The following AKR1C3 variants were observed in gnomAD, a reference collection of about 807,000 sequenced individuals.
AKR1C3 encodes aldo-keto reductase family 1 member C3.
Under a neutral mutation model 43.6 loss-of-function variants are expected in AKR1C3, and 48 were observed. That is an observed-to-expected ratio of 1.10 (90% CI 0.87 to 1.40). The LOEUF (loss-of-function observed/expected upper bound fraction) is 1.40. AKR1C3 is among the 40% of genes most tolerant of loss of function. The probability of loss-of-function intolerance (pLI) is 0.00; values close to 1 mark genes in which losing one functional copy is unlikely to be tolerated. For missense variants in AKR1C3, 482 were observed against 391.2 expected, an observed-to-expected ratio of 1.23 and a Z score of -1.96; for synonymous variants, 162 against 139.6, an observed-to-expected ratio of 1.16 and a Z score of -1.13.
intron 1 of AKR1C3, among the ~76,000 whole-genome samples, chr10:5,076,643 A>G (rs1554781866): frequency 1.3e-5 from 2 of 152,120 alleles, no homozygotes; most frequent in Non-Finnish European, 2.9e-5. Flanking sequence ...ACACTATCAC[A>G]TGCTCTGTAC....
intron 1 of AKR1C3, among the ~76,000 whole-genome samples, chr10:5,071,694 T>G (rs1838614961): frequency 6.6e-6 from 1 of 152,202 alleles, no homozygotes; most frequent in Non-Finnish European, 1.5e-5. Context: ...TCCAAAAGAA[T>G]TCAGTATTTG....
intron 1 of AKR1C3, among the ~76,000 whole-genome samples, chr10:5,083,280 A>C (rs542667176): frequency 8.1e-4 from 122 of 150,736 alleles, no homozygotes; most frequent in Admixed American, 1.5e-3. Flanking sequence ...TCCTGTGTCC[A>C]TGTGTTCTCA....
intron 7 of AKR1C3, among the ~76,000 whole-genome samples, chr10:5,104,665 T>C (rs1469469431): frequency 6.6e-6 from 1 of 152,188 alleles, no homozygotes; most frequent in Non-Finnish European, 1.5e-5. Context: ...CAGTTCACTG[T>C]GAAGAGAACT....
At chr10:5,098,759 A>G in intron 3 of AKR1C3, 43 bp from the exon 4 acceptor site, 1 of 1,548,838 alleles carries the variant, frequency 6.5e-7, no homozygotes, top group Non-Finnish European at 8.9e-7. Context: ...ATGAGTGGAG[A>G]AATTAATTTG....
chr10:5,056,725 G>C (rs1483244353), intron 1 of AKR1C3, among the ~76,000 whole-genome samples: 3 of 152,166 alleles, frequency 2.0e-5, no homozygotes, highest in Admixed American at 2.0e-4. Flanking sequence ...TGGGTAACTT[G>C]TTTCCCATAT....
chr10:5,103,928 T>C (rs1167333354), intron 7 of AKR1C3, among the ~76,000 whole-genome samples: 1 of 152,048 alleles, frequency 6.6e-6, no homozygotes, highest in Non-Finnish European at 1.5e-5. Flanking sequence ...GGTTAATATA[T>C]ATGATAGATT....
chr10:5,099,211 G>C (rs1294162188), intron 4 of AKR1C3, 116 bp from the exon 5 acceptor site: 15 of 1,529,454 alleles, frequency 9.8e-6, no homozygotes, highest in Non-Finnish European at 1.2e-5. Flanking sequence ...GACAATCACT[G>C]CTAGCTATTT....
chr10:5,094,940 T>C (rs1839173587), intron 1 of AKR1C3, among the ~76,000 whole-genome samples: 1 of 152,024 alleles, frequency 6.6e-6, no homozygotes, highest in Admixed American at 6.6e-5. Context: ...AATTACTGGA[T>C]ATGGTGTGCA....
At chr10:5,078,182 G>T (rs942753723) in intron 1 of AKR1C3, among the ~76,000 whole-genome samples, 8 of 152,184 alleles carry the variant, frequency 5.3e-5, no homozygotes, top group Non-Finnish European at 8.8e-5. Flanking sequence ...CTAACATTTT[G>T]GGCGGCTGAT....
At position 5,098,787 on chromosome 10, in the gene AKR1C3, C is replaced by T. The variant is rs375554349; in HGVS notation, c.370-15C>T. 6.2e-7 allele frequency: 1 copy of T among 1,610,232 alleles called. No homozygotes were observed. The highest frequency in any genetic ancestry group is 1.3e-5 in the African/African-American group (1 of 74,796). On this transcript the variant is annotated splice_polypyrimidine_tract_variant and intron_variant, in intron 3 of 8. Transcript: ENST00000380554. Reference sequence around the variant, plus strand: ...TTAATTTGTGACATCATTAAAATGACTGCTTCTATTTCAGCCAGGTGAGGA... The same window carrying T: ...TTAATTTGTGACATCATTAAAATGATTGCTTCTATTTCAGCCAGGTGAGGA...
chr10:5,106,807 TGATAGGGTGA>T (rs1839512066), intron 8 of AKR1C3, among the ~76,000 whole-genome samples: 1 of 151,068 alleles, frequency 6.6e-6, no homozygotes, highest in African/African-American at 2.4e-5. Flanking sequence ...TTTTAACAAG[TGATAGGGTGA>T]GATAGTGTGT....
chr10:5,057,196 A>G (rs1189067054), intron 1 of AKR1C3, among the ~76,000 whole-genome samples: 2 of 152,150 alleles, frequency 1.3e-5, no homozygotes, highest in South Asian at 2.1e-4. Context: ...TCATTGGACA[A>G]TCTTTTTTAA....
chr10:5,098,670 G>T, intron 3 of AKR1C3, 132 bp from the exon 4 acceptor site: 1 of 716,418 alleles, frequency 1.4e-6, no homozygotes, highest in African/African-American at 1.8e-5. Flanking sequence ...AAAACACTTA[G>T]CACATATCAC....
intron 1 of AKR1C3, among the ~76,000 whole-genome samples, chr10:5,051,296 C>G (rs1481033052): frequency 6.6e-6 from 1 of 152,110 alleles, no homozygotes; most frequent in African/African-American, 2.4e-5. Context: ...GGGGTTCCAC[C>G]ATGTTGGTCA....
chr10:5,105,742 G>C, intron 8 of AKR1C3, 65 bp downstream of exon 8: 1 of 1,279,834 alleles, frequency 7.8e-7, no homozygotes, highest in Non-Finnish European at 1.1e-6. Flanking sequence ...GATGGGTGTT[G>C]AGAGTGACCT....
chr10:5,077,924 T>G, intron 1 of AKR1C3: 2 of 637,070 alleles, frequency 3.1e-6, no homozygotes, highest in Non-Finnish European at 5.5e-6. Flanking sequence ...AAAAATCGAT[T>G]CATCAAATGA....
At chr10:5,094,407 C>T (rs1554784818), upstream of AKR1C3, 6 of 1,601,208 alleles carry the variant, frequency 3.7e-6, no homozygotes, top group African/African-American at 2.7e-5. Flanking sequence ...TGAGGAGAAG[C>T]AGCAGCAAAC....
At chr10:5,066,506 T>C (rs1186380541) in intron 1 of AKR1C3, among the ~76,000 whole-genome samples, 1 of 152,158 alleles carries the variant, frequency 6.6e-6, no homozygotes, top group African/African-American at 2.4e-5. Context: ...AGAGACCAAA[T>C]GACATCCTAG....
intron 1 of AKR1C3, among the ~76,000 whole-genome samples, chr10:5,049,230 T>G (rs1838101466): frequency 6.6e-6 from 1 of 152,192 alleles, no homozygotes; most frequent in South Asian, 2.1e-4. Flanking sequence ...ATAGAAGTGG[T>G]TTCTCTGTTT....
Sources: gnomAD v4.1 joint callset for allele counts (sites outside exome capture counted in the v4.1 genomes callset) on GRCh38, gnomAD v4.1.1 for gene constraint, MANE v1.5 for transcripts, NCBI Gene and HGNC (gene_info 2026-07-23, HGNC 2026-07-21) for gene names.